The following PARP4 variants were observed in gnomAD, a reference collection of about 807,000 sequenced individuals.
PARP4 encodes protein mono-ADP-ribosyltransferase PARP4.
In PARP4, 120 loss-of-function variants were observed where a neutral mutation model predicts 187.7. The ratio of observed to expected loss-of-function variants is 0.64; its 90% CI spans 0.55 to 0.74. PARP4 has a LOEUF of 0.74. Ranked by LOEUF, PARP4 falls within the 30% of genes least tolerant of loss-of-function variation. PARP4 has a pLI of 0.00. For missense variants in PARP4, 1,836 were observed against 2,070.5 expected (o/e 0.89, Z 2.20); for synonymous variants, 654 against 740.9 (o/e 0.88, Z 1.90).
intron 17 of PARP4, among the ~76,000 whole-genome samples, chr13:24,465,935 TGAA>T (rs139985666): frequency 0.013 from 2,026 of 152,302 alleles, 43 homozygotes; most frequent in African/African-American, 0.046. Context: ...TTCTTACATA[TGAA>T]GTAGTATAAT....
At chr13:24,472,175 G>GTC (rs1555236607) in intron 15 of PARP4, among the ~76,000 whole-genome samples, 1 of 151,842 alleles carries the variant, frequency 6.6e-6, no homozygotes, top group Admixed American at 6.6e-5. Flanking sequence ...ATAGCACTTG[G>GTC]CATGGAGTCT....
chr13:24,484,560 GT>G lies in PARP4; in HGVS notation c.1448+92del, dbSNP rs1353930447. 5 of 807,076 alleles carry G rather than the reference GT, an allele frequency of 6.2e-6. No individual in the cohort carries two copies. The African/African-American group carries it at 6.8e-5, about 11-fold the overall frequency. The allele number at this position is 807,076 out of a possible 1,614,324, so 50.0% of individuals were successfully genotyped here. On this transcript the variant is annotated intron_variant, in intron 12 of 33. Coordinates refer to ENST00000381989, the MANE Select transcript of PARP4 (RefSeq NM_006437.4). ...GGTCATATATAATAGATAAATCTGT[GT>G]TTTGGTTGAGAAACTCCCTCACCAA...
At chr13:24,482,601 A>G (rs1291136240) in intron 12 of PARP4, among the ~76,000 whole-genome samples, 6 of 152,346 alleles carry the variant, frequency 3.9e-5, no homozygotes, top group African/African-American at 1.2e-4. Context: ...GAAGGCTTAG[A>G]TGATCGTTAG....
At chr13:24,509,368 A>G (rs2137557020) in intron 1 of PARP4, among the ~76,000 whole-genome samples, 1 of 152,126 alleles carries the variant, frequency 6.6e-6, no homozygotes, top group African/African-American at 2.4e-5. Context: ...TTAGCTGGGC[A>G]AGGTGGTACA....
intron 17 of PARP4, among the ~76,000 whole-genome samples, chr13:24,464,519 A>G (rs1872359880): frequency 6.6e-6 from 1 of 152,218 alleles, no homozygotes; most frequent in African/African-American, 2.4e-5. Flanking sequence ...CTGATCTTCA[A>G]CAAACCTGAC....
At chr13:24,465,810 T>C (rs1007946167) in intron 17 of PARP4, among the ~76,000 whole-genome samples, 29 of 151,952 alleles carry the variant, frequency 1.9e-4, no homozygotes, top group Non-Finnish European at 3.4e-4. Context: ...AACAACACAT[T>C]GTAGAATTTA....
intron 17 of PARP4, among the ~76,000 whole-genome samples, chr13:24,468,180 G>C (rs768331097): frequency 3.3e-5 from 5 of 152,136 alleles, no homozygotes; most frequent in Non-Finnish European, 7.3e-5. Flanking sequence ...GCACCTGCCA[G>C]AGGCCTCGTG....
intron 7 of PARP4, among the ~76,000 whole-genome samples, chr13:24,494,075 G>A (rs1399145589): frequency 1.3e-5 from 2 of 152,132 alleles, no homozygotes; most frequent in Middle Eastern, 6.3e-3. Context: ...AAGCTGGGAG[G>A]GTCTGCTGCT....
At chr13:24,483,163 G>GTACACACCTGTGCC (rs1873366246) in intron 12 of PARP4, among the ~76,000 whole-genome samples, 1 of 152,088 alleles carries the variant, frequency 6.6e-6, no homozygotes, top group South Asian at 2.1e-4. Context: ...TTGATTACAG[G>GTACACACCTGTGCC]TGTGTGACAC....
chr13:24,465,291 T>C (rs1350908098), intron 17 of PARP4, among the ~76,000 whole-genome samples: 5 of 152,226 alleles, frequency 3.3e-5, no homozygotes, highest in African/African-American at 1.2e-4. Flanking sequence ...TTACTGGGTA[T>C]ATACCCAAAG....
At chr13:24,423,330 C>A (rs1233383921) in intron 33 of PARP4, among the ~76,000 whole-genome samples, 5 of 152,038 alleles carry the variant, frequency 3.3e-5, no homozygotes, top group Admixed American at 3.3e-4. Flanking sequence ...TCACTTGAGG[C>A]CAGAGTTCGA....
intron 24 of PARP4, 62 bp downstream of exon 24, chr13:24,452,344 G>A: frequency 7.3e-7 from 1 of 1,371,676 alleles, no homozygotes. Flanking sequence ...AAAGTCCCCT[G>A]CAGGGCAACA....
chr13:24,500,752 G>A (rs1350276735), intron 3 of PARP4, among the ~76,000 whole-genome samples: 1 of 152,158 alleles, frequency 6.6e-6, no homozygotes, highest in Admixed American at 6.5e-5. Context: ...TAGCTTAGAG[G>A]AGGGAAAGTC....
chr13:24,456,562 C>CTTA, intron 20 of PARP4, 84 bp from the exon 21 acceptor site: 2 of 1,239,818 alleles, frequency 1.6e-6, no homozygotes, highest in Non-Finnish European at 2.2e-6. Flanking sequence ...ATGGAGCAAA[C>CTTA]CCTTGCATAG....
chr13:24,469,381 TG>T (rs1872635780), intron 16 of PARP4, among the ~76,000 whole-genome samples: 1 of 152,230 alleles, frequency 6.6e-6, no homozygotes, highest in Non-Finnish European at 1.5e-5. Flanking sequence ...GGAGTTTATG[TG>T]GAACAAAACA....
rs776165182 is a variant in PARP4 at position 24,434,406 on chromosome 13, G to A, written c.4735C>T (p.Leu1579=). The part of the protein sequence containing the change: ...DAVPWTELLS[L]QTEDGFWKLT... Reference sequence around the variant, plus strand: ...AATAAGACACATACCTCTGTCTGTAGACTGAGGAGTTCTGTCCAAGGCACA... The same window carrying A: ...AATAAGACACATACCTCTGTCTGTAAACTGAGGAGTTCTGTCCAAGGCACA... Residue 1579 remains leucine (L), a synonymous_variant, in exon 31 of 34, where the codon CTA becomes TTA. Transcript: ENST00000381989. The A allele has an allele frequency of 7.1e-6, 11 of 1,558,388 alleles. No individual in the cohort carries two copies. The highest frequency in any genetic ancestry group is 6.8e-5 in the African/African-American group (5 of 73,290).
intron 18 of PARP4, 154 bp from the exon 19 acceptor site, chr13:24,459,464 A>C (rs1402211443): frequency 1.5e-6 from 1 of 655,340 alleles, no homozygotes; most frequent in African/African-American, 1.8e-5. Context: ...TCATGGAATG[A>C]CAGGAACTTC....
chr13:24,484,142 A>G (rs1873428653), intron 12 of PARP4, among the ~76,000 whole-genome samples: 1 of 152,128 alleles, frequency 6.6e-6, no homozygotes, highest in Admixed American at 6.5e-5. Flanking sequence ...CTTGCATTAA[A>G]TGATGTCACA....
At chr13:24,499,681 C>A (rs1869167891) in intron 4 of PARP4, among the ~76,000 whole-genome samples, 1 of 152,180 alleles carries the variant, frequency 6.6e-6, no homozygotes. Context: ...GCCGCACACT[C>A]TGGGGATGGG....
Sources: allele counts gnomAD v4.1 joint callset (sites outside exome capture counted in the v4.1 genomes callset), GRCh38; gene constraint gnomAD v4.1.1; transcripts MANE v1.5; gene names NCBI Gene and HGNC (gene_info 2026-07-23, HGNC 2026-07-21).